Variants in ACAD9 observed in about 807,000 individuals in gnomAD.
The protein encoded by ACAD9 is acyl-CoA dehydrogenase family member 9.
Under a neutral mutation model 70.2 loss-of-function variants are expected in ACAD9, and 53 were observed. The observed-to-expected ratio is 0.75, with a 90% CI of 0.61 to 0.95. The LOEUF is 0.95. ACAD9 is among the 40% of genes least tolerant of loss of function. The pLI is 0.00. For missense variants in ACAD9, 777 were observed against 802.8 expected (o/e 0.97, Z 0.39); for synonymous variants, 313 against 312.1 (o/e 1.00, Z -0.03).
Position 128,909,400 on chromosome 3 carries a change from A to C in ACAD9, c.1542A>C (p.Thr514=). The C allele has an allele frequency of 6.2e-7, 1 of 1,614,172 alleles. No homozygotes were observed. Among genetic ancestry groups the C allele is most frequent in the Non-Finnish European group, 8.5e-7 (1 of 1,180,052 alleles). Residue 514 remains threonine, a synonymous_variant, in exon 15 of 18, where the codon ACA becomes ACC. Coordinates refer to ENST00000308982, the MANE Select transcript of ACAD9 (RefSeq NM_014049.5). ...NTYCFGRTVE[T]LLLRFGKTIM... ...ACTGCTTCGGCCGGACCGTGGAGAC[A>C]CTGCTGCTCCGCTTTGGCAAGGTAA...
chr3:128,886,846 T>G lies in ACAD9; in HGVS notation c.244+2100T>G, dbSNP rs1015457567. On this transcript the variant is annotated intron_variant, in intron 2 of 17. Coordinates refer to ENST00000308982, the MANE Select transcript of ACAD9 (RefSeq NM_014049.5). ...AGACAGCTGGATTCTCATACCTGTTTGTGCACGTAACCTCTGGAAAAGTCC... is the reference window on the plus strand; with the variant it reads ...AGACAGCTGGATTCTCATACCTGTTGGTGCACGTAACCTCTGGAAAAGTCC... 2.0e-5 allele frequency among the ~76,000 whole-genome samples: 3 copies of G among 151,924 alleles called. No homozygotes were observed. In the East Asian group the frequency reaches 5.8e-4, roughly 29 times the overall value.
Position 128,906,150 on chromosome 3 carries a change from TGTGA to T in ACAD9, c.1185_1188del (p.Ser395ArgfsTer43). The T allele has an allele frequency of 6.2e-7, 1 of 1,614,176 alleles. No individual in the cohort carries two copies. Among genetic ancestry groups the T allele is most frequent in the Non-Finnish European group, 8.5e-7 (1 of 1,180,024 alleles). On this transcript the variant is annotated frameshift_variant, in exon 12 of 18. Transcript: ENST00000308982. LOFTEE classifies it high-confidence loss of function. ...TCAGCTCCGAGGCCGCCTGGCAGTG[TGTGA>T]GTGAGGCGCTGCAGATCCTCGGGGG... is the stretch of plus-strand genomic sequence containing the variant.
At chr3:128,906,274 G>A (rs534013193) in intron 12 of ACAD9, 25 bp downstream of exon 12, 4 of 1,613,280 alleles carry the variant, frequency 2.5e-6, no homozygotes, top group Non-Finnish European at 3.4e-6. Flanking sequence ...CACCAGCTAA[G>A]CTGTGCTCCA....
At chr3:128,888,305 A>G (rs528850008) in intron 2 of ACAD9, among the ~76,000 whole-genome samples, 1 of 152,312 alleles carries the variant, frequency 6.6e-6, no homozygotes, top group African/African-American at 2.4e-5. Flanking sequence ...TAGGCCAGGT[A>G]TGGTGGCTCA....
chr3:128,896,438 G>T lies in ACAD9; in HGVS notation c.456G>T (p.Gly152=). 6.2e-7 allele frequency: 1 copy of T among 1,614,122 alleles called. No individual in the cohort carries two copies. Among genetic ancestry groups the T allele is most frequent in the African/African-American group, 1.3e-5 (1 of 75,044 alleles). The change falls in exon 5 of 18, where the codon GGG becomes GGT. Residue 152 remains glycine (G), a splice_region_variant and synonymous_variant. Coordinates refer to ENST00000308982, the MANE Select transcript of ACAD9 (RefSeq NM_014049.5). ...TAGTCTGTGTCTGTTTTGTTTAGGG[G>T]ATCATCTTGGCTGGCACTGAGGAGC... The part of the protein sequence containing the change: ...LAAHQAIGLK[G]IILAGTEEQK...
chr3:128,888,787 G>T (rs1327376462), intron 2 of ACAD9, among the ~76,000 whole-genome samples: 1 of 151,806 alleles, frequency 6.6e-6, no homozygotes, highest in Admixed American at 6.6e-5. Context: ...TTATAATTTA[G>T]AAATACTTAT....
In ACAD9 at chr3:128,912,836, G is replaced by T. The variant is rs1441341437; in HGVS notation, c.*229G>T. 9 of 689,820 alleles carry T rather than the reference G, an allele frequency of 1.3e-5. No homozygotes were observed. The highest frequency in any genetic ancestry group is 1.2e-4 in the South Asian group (9 of 73,080). The allele number at this position is 689,820 out of a possible 1,614,324, so 42.7% of individuals were successfully genotyped here. ...CAGCTTCTGAACTGAGCCGGAGAGA[G>T]AGAATGGAATTGCTGACCCCTGGAA... On this transcript the variant is annotated 3_prime_UTR_variant, in exon 18 of 18. Coordinates refer to ENST00000308982, the MANE Select transcript of ACAD9 (RefSeq NM_014049.5).
chr3:128,886,409 T>C (rs1323111196), intron 2 of ACAD9, among the ~76,000 whole-genome samples: 1 of 143,208 alleles, frequency 7.0e-6, no homozygotes, highest in Non-Finnish European at 1.5e-5. Flanking sequence ...TAATGAAAAA[T>C]ATTTTGAAAA....
Position 128,904,485 on chromosome 3 carries a change from A to C in ACAD9, c.1129A>C (p.Ile377Leu). ...LDQPGFPDCS[I>L]EAAMVKVFSS... The stretch of plus-strand genomic sequence containing the variant: ...CCAACCTGGCTTTCCCGACTGCTCC[A>C]TCGAGGCAGCCATGGTGAAGGTAAC... The change falls in exon 11 of 18, where the codon ATC (isoleucine) becomes CTC (leucine). Residue 377 changes from isoleucine to leucine, a missense_variant. Transcript: ENST00000308982. The C allele has an allele frequency of 6.2e-7, 1 of 1,614,124 alleles. No individual in the cohort carries two copies. Among genetic ancestry groups the C allele is most frequent in the Non-Finnish European group, 8.5e-7 (1 of 1,180,030 alleles).
chr3:128,895,328 A>G lies in ACAD9; in HGVS notation c.365A>G (p.Asn122Ser). ...CTCCTAGGTGGCCTGGGCTTCTCCA[A>G]CACCATGTACTCAAGACTAGGGGAG... ...PEEYGGLGFSNTMYSRLGEII... is the reference protein window; with the variant it reads ...PEEYGGLGFSSTMYSRLGEII... Residue 122 changes from asparagine (N) to serine (S), a missense_variant, in exon 4 of 18, where the codon AAC becomes AGC. Transcript: ENST00000308982. 1.2e-6 allele frequency: 2 copies of G among 1,612,366 alleles called. No individual in the cohort carries two copies. Among genetic ancestry groups the G allele is most frequent in the East Asian group, 2.2e-5 (1 of 44,840 alleles).
rs75748817 is a variant in ACAD9 at position 128,884,453 on chromosome 3, T to C, written c.151-200T>C. Among the ~76,000 whole-genome samples the C allele has an allele frequency of 0.05, 7,549 of 151,994 alleles. 383 individuals are homozygous for C. The highest frequency in any genetic ancestry group is 0.12 in the African/African-American group (5,125 of 41,424). Reference sequence around the variant, plus strand: ...AACCTATTTGAACAGGGGAGGGAGATGGATGTGGGTGGTGGAGCCTGCACA... The same window carrying C: ...AACCTATTTGAACAGGGGAGGGAGACGGATGTGGGTGGTGGAGCCTGCACA... On this transcript the variant is annotated intron_variant, in intron 1 of 17. Coordinates refer to ENST00000308982, the MANE Select transcript of ACAD9 (RefSeq NM_014049.5).
At chr3:128,880,582 G>A (rs867127693) in intron 1 of ACAD9, among the ~76,000 whole-genome samples, 5 of 151,586 alleles carry the variant, frequency 3.3e-5, no homozygotes, top group African/African-American at 9.7e-5. Context: ...CAGAGACGGG[G>A]TTTCACCATG....
chr3:128,879,906 T>G, intron 1 of ACAD9, 65 bp downstream of exon 1: 1 of 1,611,872 alleles, frequency 6.2e-7, no homozygotes, highest in East Asian at 2.2e-5. Context: ...GCTGCAAGAC[T>G]GGTGTTGAAC....
chr3:128,894,179 T>C (rs191016645), intron 3 of ACAD9, among the ~76,000 whole-genome samples: 77 of 152,314 alleles, frequency 5.1e-4, no homozygotes, highest in African/African-American at 1.8e-3. Context: ...GTGTTTACCC[T>C]CAGGCCCTTT....
rs778390349 is a variant in ACAD9, at chr3:128,893,648, A to C, written c.338A>C (p.Glu113Ala). Reference sequence around the variant, plus strand: ...GGGCTTTTTGGGCTGCAAGTCCCAGAAGAATATGGTAAGTCAAGCAAACAA... The same window carrying C: ...GGGCTTTTTGGGCTGCAAGTCCCAGCAGAATATGGTAAGTCAAGCAAACAA... ...SLGLFGLQVP[E>A]EYGGLGFSNT... The change falls in exon 3 of 18, where the codon GAA becomes GCA. Residue 113 changes from glutamate to alanine, a missense_variant. Coordinates refer to ENST00000308982, the MANE Select transcript of ACAD9 (RefSeq NM_014049.5). 7 of 1,613,946 alleles carry C rather than the reference A, an allele frequency of 4.3e-6. No individual in the cohort carries two copies. The Admixed American group carries it at 1.2e-4, about 27-fold the overall frequency.
rs188656608 is a variant in ACAD9 at position 128,902,844 on chromosome 3, C to T, written c.958+216C>T. 3.7e-4 allele frequency among the ~76,000 whole-genome samples: 57 copies of T among 152,174 alleles called. No homozygotes were observed. In the East Asian group the frequency reaches 9.9e-3, roughly 26 times the overall value. ...CGCATTCCTCTGTTTCACCTCCACC[C>T]GGGTGATGCTGACTGGGGGACAGGC... On this transcript the variant is annotated intron_variant, in intron 9 of 17. Coordinates refer to ENST00000308982, the MANE Select transcript of ACAD9 (RefSeq NM_014049.5). The surrounding 1 kb of genome is among the most constrained non-coding windows in gnomAD (Gnocchi z 4.0).
chr3:128,906,544 A>AC (rs755608568), intron 12 of ACAD9, among the ~76,000 whole-genome samples: 12 of 152,178 alleles, frequency 7.9e-5, no homozygotes, highest in Non-Finnish European at 1.3e-4. Flanking sequence ...GGGAGATGAC[A>AC]GAGTGTAAAG....
intron 2 of ACAD9, among the ~76,000 whole-genome samples, chr3:128,886,275 GTA>G (rs1935242624): frequency 6.6e-6 from 1 of 150,958 alleles, no homozygotes; most frequent in Admixed American, 6.6e-5. Flanking sequence ...GGTAATTTTT[GTA>G]TTTTTAGTAG....
chr3:128,886,569 G>T (rs552786589), intron 2 of ACAD9, among the ~76,000 whole-genome samples: 1 of 151,912 alleles, frequency 6.6e-6, no homozygotes, highest in Non-Finnish European at 1.5e-5. Context: ...TTAGCTGGGC[G>T]TGGTGGTACA....
Sources: gnomAD v4.1 joint callset for allele counts (sites outside exome capture counted in the v4.1 genomes callset) on GRCh38, gnomAD v4.1.1 for gene constraint, Gnocchi (gnomAD v3.1) non-coding constraint, MANE v1.5 for transcripts, NCBI Gene and HGNC (gene_info 2026-07-23, HGNC 2026-07-21) for gene names.